PREX2: variants seen among roughly 807,000 people sequenced by gnomAD.
PREX2 encodes phosphatidylinositol-3,4,5-trisphosphate dependent Rac exchange factor 2.
PREX2 carries 107 observed loss-of-function variants against 203.2 expected under a neutral mutation model. The observed-to-expected ratio is 0.53, with a 90% CI of 0.45 to 0.62. The LOEUF is 0.62. Ranked by LOEUF, PREX2 falls within the 20% of genes least tolerant of loss-of-function variation. PREX2 has a pLI of 0.00. For synonymous variants in PREX2, 672 were observed against 663.6 expected, an observed-to-expected ratio of 1.01 and a Z score of -0.19; for missense variants, 1,777 against 1,955.9, an observed-to-expected ratio of 0.91 and a Z score of 1.72.
chr8:68,108,662 C>A (rs994777507), intron 24 of PREX2, among the ~76,000 whole-genome samples: 6 of 152,166 alleles, frequency 3.9e-5, no homozygotes, highest in Non-Finnish European at 7.3e-5. Flanking sequence ...GGAACAGCTG[C>A]AGCAATGCAC....
At chr8:68,100,076 TGAGGC>T (rs1563545357) in intron 23 of PREX2, 1 of 646,240 alleles carries the variant, frequency 1.5e-6, no homozygotes, top group South Asian at 1.4e-5. Flanking sequence ...ATATAGTAAC[TGAGGC>T]CTAAAGAATT....
Position 68,233,955 on chromosome 8 carries a change from A to C in PREX2, c.*2577A>C, listed in dbSNP as rs1813218199. 6.6e-6 allele frequency: 1 copy of C among 152,198 alleles called. No homozygotes were observed. The highest frequency in any genetic ancestry group is 6.5e-5 in the Admixed American group (1 of 15,270). The allele number at this position is 152,198 out of a possible 1,614,324, so 9.4% of individuals were successfully genotyped here. ...TACATCTTGTATTAAAAAACGGTGA[A>C]TGGAAATATGTAAATGCTTTAATTA... On this transcript the variant is annotated 3_prime_UTR_variant, in exon 40 of 40. Transcript: ENST00000288368.
chr8:68,087,409 C>T (rs1448246510), intron 18 of PREX2, among the ~76,000 whole-genome samples: 1 of 152,140 alleles, frequency 6.6e-6, no homozygotes, highest in Non-Finnish European at 1.5e-5. Context: ...TGCCTGTAGT[C>T]CCAGCCACTT....
rs532416936 is a variant in PREX2, at chr8:68,036,121, A to T, written c.706-2038A>T. Among the ~76,000 whole-genome samples the T allele has an allele frequency of 5.9e-5, 9 of 152,264 alleles. 1 individual carries two copies. The East Asian group carries it at 1.7e-3, about 29-fold the overall frequency. On this transcript the variant is annotated intron_variant, in intron 6 of 39. Transcript: ENST00000288368. ...AATGCCTTAGATAGAATAGGTCTGT[A>T]TATTAGCAAGGGGCTTGAGAGTTTC...
chr8:67,961,678 C>G (rs937738019), intron 1 of PREX2, among the ~76,000 whole-genome samples: 1 of 151,998 alleles, frequency 6.6e-6, no homozygotes, highest in Non-Finnish European at 1.5e-5. Flanking sequence ...TGCATTTGAT[C>G]CAAGAGTTCA....
intron 38 of PREX2, among the ~76,000 whole-genome samples, chr8:68,219,424 T>C (rs974431528): frequency 2.0e-5 from 3 of 152,184 alleles, no homozygotes; most frequent in Admixed American, 6.5e-5. Flanking sequence ...GTGTATTATG[T>C]AAGTATAGTA....
Position 68,234,976 on chromosome 8 carries a change from G to A in PREX2, c.*3598G>A, listed in dbSNP as rs1288764733. ...TGGGTAAACAAAGCCTAAGGGTCAT[G>A]TTAATTAATTTAACAAAACACACTA... is the stretch of plus-strand genomic sequence containing the variant. On this transcript the variant is annotated 3_prime_UTR_variant, in exon 40 of 40. Coordinates refer to ENST00000288368, the MANE Select transcript of PREX2 (RefSeq NM_024870.4). 6.6e-6 allele frequency: 1 copy of A among 152,092 alleles called. No homozygotes were observed. Among genetic ancestry groups the A allele is most frequent in the Admixed American group, 6.5e-5 (1 of 15,272 alleles). The allele number at this position is 152,092 out of a possible 1,614,324, so 9.4% of individuals were successfully genotyped here.
intron 35 of PREX2, among the ~76,000 whole-genome samples, chr8:68,184,993 C>T (rs1209138363): frequency 1.3e-5 from 2 of 152,146 alleles, no homozygotes; most frequent in East Asian, 1.9e-4. Flanking sequence ...TGTTAACTTA[C>T]ATAACTGTCT....
At chr8:67,995,447 A>T (rs1343413091) in intron 1 of PREX2, among the ~76,000 whole-genome samples, 3 of 152,202 alleles carry the variant, frequency 2.0e-5, no homozygotes, top group Non-Finnish European at 4.4e-5. Flanking sequence ...TTCTTTGCCC[A>T]ACAGAGAGAC....
At chr8:68,100,076 T>C (rs775603141) in intron 23 of PREX2, 5 of 646,122 alleles carry the variant, frequency 7.7e-6, no homozygotes, top group African/African-American at 1.8e-5. Context: ...ATATAGTAAC[T>C]GAGGCCTAAA....
At chr8:67,976,189 T>G (rs1354888848) in intron 1 of PREX2, among the ~76,000 whole-genome samples, 1 of 152,148 alleles carries the variant, frequency 6.6e-6, no homozygotes, top group Admixed American at 6.5e-5. Context: ...AACTTGCAAT[T>G]GACCAATGTC....
Position 68,205,005 on chromosome 8 carries a change from C to G in PREX2, c.4604+12480C>G, listed in dbSNP as rs528786299. 3.3e-5 allele frequency among the ~76,000 whole-genome samples: 5 copies of G among 152,168 alleles called. No homozygotes were observed. The East Asian group carries it at 7.7e-4, about 24-fold the overall frequency. ...CCCCTCTGCTTTCTTTTAAGCTACT[C>G]GGAAACCCTTGTCTTCCAGCTCTCG... On this transcript the variant is annotated intron_variant, in intron 37 of 39. Coordinates refer to ENST00000288368, the MANE Select transcript of PREX2 (RefSeq NM_024870.4).
At chr8:68,189,345 G>A (rs1057270610) in intron 35 of PREX2, among the ~76,000 whole-genome samples, 1 of 152,004 alleles carries the variant, frequency 6.6e-6, no homozygotes, top group Non-Finnish European at 1.5e-5. Flanking sequence ...ACCTTATCAG[G>A]GCCTGTAAGG....
intron 38 of PREX2, chr8:68,220,393 C>T (rs539997656): frequency 3.3e-5 from 5 of 152,208 alleles, no homozygotes; most frequent in African/African-American, 7.2e-5. Flanking sequence ...GTTTTCTATG[C>T]CATAATTATA....
intron 23 of PREX2, chr8:68,100,359 C>A: frequency 2.8e-6 from 1 of 362,346 alleles, no homozygotes; most frequent in Non-Finnish European, 5.3e-6. Flanking sequence ...CAATTTCTCT[C>A]CTCTCATGGT....
At chr8:68,118,325 AG>A (rs1176066058) in intron 26 of PREX2, among the ~76,000 whole-genome samples, 3 of 151,574 alleles carry the variant, frequency 2.0e-5, no homozygotes, top group Middle Eastern at 3.4e-3. Flanking sequence ...ACTGCACTCC[AG>A]TCTGGGAGAC....
intron 12 of PREX2, 134 bp downstream of exon 12, chr8:68,069,270 CTTTA>C (rs1201233214): frequency 1.1e-5 from 6 of 566,550 alleles, no homozygotes; most frequent in Non-Finnish European, 1.8e-5. Context: ...AAGCAAGCCT[CTTTA>C]TTTATTTTTG....
chr8:68,085,030 T>C (rs746432092), intron 18 of PREX2, among the ~76,000 whole-genome samples: 3 of 152,182 alleles, frequency 2.0e-5, no homozygotes, highest in Non-Finnish European at 4.4e-5. Flanking sequence ...TGACTCTTCT[T>C]AGTGTTCGTT....
intron 10 of PREX2, among the ~76,000 whole-genome samples, chr8:68,057,305 A>T (rs1170426196): frequency 6.6e-6 from 1 of 152,120 alleles, no homozygotes; most frequent in Non-Finnish European, 1.5e-5. Flanking sequence ...GCATCAATTA[A>T]ACTTCTTTTC....
Sources: gnomAD v4.1 joint callset for allele counts (sites outside exome capture counted in the v4.1 genomes callset) on GRCh38, gnomAD v4.1.1 for gene constraint, MANE v1.5 for transcripts, NCBI Gene and HGNC (gene_info 2026-07-23, HGNC 2026-07-21) for gene names.